The following DNAH5 variants were observed in gnomAD, a reference collection of about 807,000 sequenced individuals.
DNAH5 encodes the protein axonemal beta dynein heavy chain 5.
DNAH5 carries 372 observed loss-of-function variants against 518.2 expected under a neutral mutation model. The ratio of observed to expected loss-of-function variants is 0.72; its 90% CI spans 0.66 to 0.78. The LOEUF (loss-of-function observed/expected upper bound fraction) is 0.78, where lower values mean the gene tolerates loss of function less well. Among genes scored for constraint, DNAH5 ranks in the 30% least tolerant of loss-of-function variants. The pLI is 0.00. For missense variants in DNAH5, 5,523 were observed against 5,687.0 expected (o/e 0.97, Z 0.93); for synonymous variants, 2,039 against 2,025.9 (o/e 1.01, Z -0.17).
chr5:13,967,729 G>A (rs939502930), intron 1 of DNAH5, among the ~76,000 whole-genome samples: 39 of 151,554 alleles, frequency 2.6e-4, no homozygotes, highest in Non-Finnish European at 4.4e-4. Flanking sequence ...AATTCTGTGA[G>A]GAATGATGGT....
intron 69 of DNAH5, 68 bp from the exon 70 acceptor site, chr5:13,727,724 AT>A: frequency 6.4e-7 from 1 of 1,558,170 alleles, no homozygotes; most frequent in South Asian, 1.1e-5. Flanking sequence ...GGTCATAGAT[AT>A]GTTTCATCAA....
chr5:13,723,190 CCTACATATTTTT>C (rs1485091555), intron 70 of DNAH5, among the ~76,000 whole-genome samples: 2 of 152,196 alleles, frequency 1.3e-5, no homozygotes, highest in Non-Finnish European at 2.9e-5. Context: ...CATATAAAAG[CCTACATATTTTT>C]CTACAGCCTC....
chr5:13,861,952 C>CAAAAAAAAAAAAAAAAAAAAAA (rs59674964), intron 29 of DNAH5, among the ~76,000 whole-genome samples: 1 of 49,514 alleles, frequency 2.0e-5, no homozygotes. Context: ...GATTCCATCT[C>CAAAAAAAAAAAAAAAAAAAAAA]AAAAAAAAAA....
intron 35 of DNAH5, among the ~76,000 whole-genome samples, chr5:13,832,118 C>A (rs538907176): frequency 6.6e-6 from 1 of 152,036 alleles, no homozygotes; most frequent in African/African-American, 2.4e-5. Flanking sequence ...GTAACAAACC[C>A]GCACATGTAC....
intron 52 of DNAH5, among the ~76,000 whole-genome samples, chr5:13,784,175 C>T (rs1755620538): frequency 6.6e-6 from 1 of 152,116 alleles, no homozygotes; most frequent in South Asian, 2.1e-4. Flanking sequence ...GCTATGAAAT[C>T]CCAGGTCATT....
intron 40 of DNAH5, 54 bp from the exon 41 acceptor site, chr5:13,820,553 G>T: frequency 5.6e-6 from 9 of 1,599,808 alleles, no homozygotes; most frequent in Non-Finnish European, 7.7e-6. Flanking sequence ...GGCCGGACAC[G>T]GTGGCTCACG....
In DNAH5 at chr5:13,736,944, A is replaced by G. The variant is rs73749939; in HGVS notation, c.11455+308T>C. ...AATAACTGGTGCACTAATTCCTCAG[A>G]TTTCCCTAATTTGTAGTCATCAGAT... On this transcript the variant is annotated intron_variant, in intron 66 of 78. Transcript: ENST00000265104. Among the ~76,000 whole-genome samples, 7,314 of 152,216 alleles carry G rather than the reference A, an allele frequency of 0.048. 599 individuals carry two copies. The highest frequency in any genetic ancestry group is 0.17 in the African/African-American group (6,885 of 41,496).
Position 13,717,340 on chromosome 5 carries a change from T to C in DNAH5, c.12680A>G (p.His4227Arg). The C allele has an allele frequency of 6.2e-7, 1 of 1,613,862 alleles. No individual in the cohort carries two copies. The highest frequency in any genetic ancestry group is 8.5e-7 in the Non-Finnish European group (1 of 1,179,934). Residue 4227 changes from histidine (H) to arginine (R), a missense_variant, in exon 73 of 79, where the codon CAC (histidine) becomes CGC (arginine). By Grantham distance (29) the His-to-Arg change is conservative. Around this residue, in one of 3 missense-constraint regions of DNAH5, gnomAD observed 5,121 missense variants for 5,223.3 expected, o/e 0.98. Transcript: ENST00000265104. ...CTTTTTGACATCCATGTCATCCAAG[T>C]GGTTTTGGATGAACTGCACAGTGGC... is the stretch of plus-strand genomic sequence containing the variant. ...FNATVQFIQNHLDDMDVKKGV... is the reference protein window; with the variant it reads ...FNATVQFIQNRLDDMDVKKGV...
rs765760248 is a variant in DNAH5 at position 13,850,725 on chromosome 5, C to T, written c.5041G>A (p.Gly1681Arg). Reference protein sequence around the residue: ...EVPSVVQCCVGDETLGQLLPH... With the variant: ...EVPSVVQCCVRDETLGQLLPH... ...AACAGCTGCCCCAGGGTCTCATCTC[C>T]AACACAGCACTGGACTACACTGGGC... is the stretch of plus-strand genomic sequence containing the variant. Residue 1681 changes from glycine to arginine, a missense_variant, in exon 31 of 79, where the codon GGA becomes AGA. Physicochemically the swap from Gly to Arg is moderately radical, Grantham distance 125 (BLOSUM62 -2). This residue lies in a region of DNAH5 where 5,121 missense variants were observed against 5,223.3 expected (regional missense o/e 0.98). Transcript: ENST00000265104. The T allele has an allele frequency of 1.2e-6, 2 of 1,614,028 alleles. No individual in the cohort carries two copies. The highest frequency in any genetic ancestry group is 1.7e-6 in the Non-Finnish European group (2 of 1,179,900).
intron 1 of DNAH5, among the ~76,000 whole-genome samples, chr5:13,935,156 G>A (rs577550112): frequency 6.6e-6 from 1 of 152,254 alleles, no homozygotes; most frequent in African/African-American, 2.4e-5. Flanking sequence ...AGATGTAAAG[G>A]AACTGAGGGC....
rs141439624 is a variant in DNAH5 at position 13,711,347 on chromosome 5, C to T, written c.13126-3012G>A. Among the ~76,000 whole-genome samples the T allele has an allele frequency of 2.9e-3, 449 of 152,226 alleles. 4 individuals are homozygous for T. Among genetic ancestry groups the T allele is most frequent in the African/African-American group, 0.01 (435 of 41,542 alleles). On this transcript the variant is annotated intron_variant, in intron 75 of 78. Transcript: ENST00000265104. The stretch of plus-strand genomic sequence containing the variant: ...CTATGATTAAAAGTCTCAACAAAAT[C>T]GGCATACAAGGGATATACCTCAATG...
At chr5:13,699,487 G>A (rs542696668) in intron 78 of DNAH5, among the ~76,000 whole-genome samples, 2 of 152,266 alleles carry the variant, frequency 1.3e-5, no homozygotes, top group East Asian at 3.9e-4. Context: ...GCCAAGGCGG[G>A]GGCAGATCAT....
rs775478412 is a variant in DNAH5, at chr5:13,814,714, T to C, written c.7121A>G (p.Lys2374Arg). Residue 2374 changes from lysine to arginine, a missense_variant, in exon 43 of 79, where the codon AAG (lysine) becomes AGG (arginine). Lys to Arg is a conservative substitution (Grantham distance 26). This residue lies in a region of DNAH5 where 5,121 missense variants were observed against 5,223.3 expected (regional missense o/e 0.98). Transcript: ENST00000265104. ...AATGTTATGAGGCTCGAAAATGATC[T>C]TGCAGTTTGGAGCCATGGGAATCCG... ...GDRIPMAPNCKIIFEPHNIDN... is the reference protein window; with the variant it reads ...GDRIPMAPNCRIIFEPHNIDN... 1.9e-6 allele frequency: 3 copies of C among 1,614,020 alleles called. No homozygotes were observed. In the African/African-American group the frequency reaches 4.0e-5, roughly 22 times the overall value.
In DNAH5 at chr5:13,866,294, G is replaced by C. The variant is rs1769241274; in HGVS notation, c.4054-12C>G. 2 of 1,609,032 alleles carry C rather than the reference G, an allele frequency of 1.2e-6. No homozygotes were observed. Among genetic ancestry groups the C allele is most frequent in the Non-Finnish European group, 1.7e-6 (2 of 1,177,806 alleles). ...GCCATTGGACCATTCTGAACAAAAA[G>C]TAAAAAAAGAAAAATAGAAGGAAGT... On this transcript the variant is annotated splice_polypyrimidine_tract_variant and intron_variant, in intron 25 of 78. Transcript: ENST00000265104.
chr5:13,851,039 C>T (rs1420178121), intron 30 of DNAH5, among the ~76,000 whole-genome samples: 1 of 152,098 alleles, frequency 6.6e-6, no homozygotes. Context: ...TTGGTACTCC[C>T]ATTATGTTAA....
At chr5:13,874,857 G>A (rs976714987) in intron 22 of DNAH5, among the ~76,000 whole-genome samples, 1 of 152,084 alleles carries the variant, frequency 6.6e-6, no homozygotes, top group Admixed American at 6.6e-5. Flanking sequence ...AGAAGTTGAT[G>A]ACCAACCTAT....
At chr5:13,808,914 C>G (rs375574838) in intron 46 of DNAH5, 130 bp downstream of exon 46, 8 of 1,075,266 alleles carry the variant, frequency 7.4e-6, no homozygotes, top group Non-Finnish European at 1.1e-5. Context: ...GAGCCGAGAT[C>G]GCGCCACTGC....
At position 13,847,208 on chromosome 5, in the gene DNAH5, T is replaced by C. The variant is rs1766126197; in HGVS notation, c.5115-2215A>G. Among the ~76,000 whole-genome samples, 3 of 151,606 alleles carry C rather than the reference T, an allele frequency of 2.0e-5. No homozygotes were observed. The South Asian group carries it at 6.2e-4, about 32-fold the overall frequency. ...TGATCCTCGACAGCTTGGGAGGGTGTTGTTTTTGTATAAATATGATTTCTC... is the reference window on the plus strand; with the variant it reads ...TGATCCTCGACAGCTTGGGAGGGTGCTGTTTTTGTATAAATATGATTTCTC... On this transcript the variant is annotated intron_variant, in intron 31 of 78. Transcript: ENST00000265104.
chr5:13,751,739 G>C (rs536627914), intron 64 of DNAH5, among the ~76,000 whole-genome samples: 2 of 152,112 alleles, frequency 1.3e-5, no homozygotes, highest in Non-Finnish European at 2.9e-5. Flanking sequence ...TGGTGTTTAG[G>C]GGGTAGAGCT....
Sources: gnomAD v4.1 joint callset for allele counts (sites outside exome capture counted in the v4.1 genomes callset) on GRCh38, gnomAD v4.1.1 for gene constraint, gnomAD v4.1.1 regional missense constraint, MANE v1.5 for transcripts, NCBI Gene and HGNC (gene_info 2026-07-23, HGNC 2026-07-21) for gene names.